The following EML1 variants were observed in gnomAD, a reference collection of about 807,000 sequenced individuals.
EML1 encodes EMAP like 1, also known as echinoderm microtubule-associated protein-like 1.
Under a neutral mutation model 110.4 loss-of-function variants are expected in EML1, and 27 were observed. The ratio of observed to expected loss-of-function variants is 0.24; its 90% CI spans 0.18 to 0.34. The LOEUF (loss-of-function observed/expected upper bound fraction) is 0.34, where lower values mean the gene tolerates loss of function less well. EML1 is among the 10% of genes least tolerant of loss of function. The pLI is 1.00. For synonymous variants in EML1, 344 were observed against 385.8 expected (o/e 0.89, Z 1.27); for missense variants, 741 against 1,030.9 (o/e 0.72, Z 3.85).
intron 1 of EML1, among the ~76,000 whole-genome samples, chr14:99,823,983 C>T (rs1298577353): frequency 1.3e-5 from 2 of 152,044 alleles, no homozygotes; most frequent in African/African-American, 2.4e-5. Context: ...GATGGAGTCT[C>T]GCTCTGTCGC....
At chr14:99,846,941 G>T (rs1413832141) in intron 1 of EML1, among the ~76,000 whole-genome samples, 1 of 152,124 alleles carries the variant, frequency 6.6e-6, no homozygotes, top group Non-Finnish European at 1.5e-5. Flanking sequence ...CTTACATTTT[G>T]TTGACCTTTT....
chr14:99,853,011 A>C (rs2058838255), intron 2 of EML1, among the ~76,000 whole-genome samples: 1 of 152,242 alleles, frequency 6.6e-6, no homozygotes, highest in African/African-American at 2.4e-5. Context: ...GTACATTTGA[A>C]GGAGCTGTTT....
At chr14:99,869,208 A>G (rs974429955) in intron 3 of EML1, among the ~76,000 whole-genome samples, 3 of 152,174 alleles carry the variant, frequency 2.0e-5, no homozygotes, top group Non-Finnish European at 4.4e-5. Context: ...CCCTGTGTTG[A>G]GTAAATCTAT....
chr14:99,787,331 G>A (rs1413480943), intron 1 of EML1, among the ~76,000 whole-genome samples: 3 of 141,644 alleles, frequency 2.1e-5, no homozygotes, highest in Non-Finnish European at 4.5e-5. Context: ...GGATTGCGGT[G>A]GGCACGATCT....
chr14:99,831,845 G>A (rs1053284027), intron 1 of EML1, among the ~76,000 whole-genome samples: 19 of 149,004 alleles, frequency 1.3e-4, no homozygotes, highest in African/African-American at 4.8e-4. Flanking sequence ...ACTGAATGAT[G>A]GGATTTTTTT....
exon 1 of EML1, chr14:99,773,173 T>A (rs1183175368): frequency 1.3e-5 from 2 of 152,290 alleles, no homozygotes; most frequent in African/African-American, 2.4e-5. Context: ...CCCCCGCGCA[T>A]GCCAACTTTT....
intron 1 of EML1, among the ~76,000 whole-genome samples, chr14:99,819,201 C>T (rs774769906): frequency 2.0e-5 from 3 of 152,126 alleles, no homozygotes; most frequent in Non-Finnish European, 2.9e-5. Context: ...GTCATCCTTT[C>T]ACCTTGGCCT....
chr14:99,841,674 G>T (rs569518837), intron 1 of EML1, among the ~76,000 whole-genome samples: 1 of 152,326 alleles, frequency 6.6e-6, no homozygotes, highest in South Asian at 2.1e-4. Flanking sequence ...AGAGGCTGCA[G>T]AGTGGCTTTC....
At chr14:99,756,328 C>T (rs1219416473) in intron 1 of EML1, among the ~76,000 whole-genome samples, 1 of 152,198 alleles carries the variant, frequency 6.6e-6, no homozygotes, top group Non-Finnish European at 1.5e-5. Flanking sequence ...GGTGGCAGCC[C>T]TGGCTCTGCC....
intron 1 of EML1, among the ~76,000 whole-genome samples, chr14:99,833,315 C>G (rs1566888623): frequency 6.6e-6 from 1 of 152,078 alleles, no homozygotes; most frequent in African/African-American, 2.4e-5. Flanking sequence ...AATCAGTTGC[C>G]CATAAAGGTA....
chr14:99,935,621 A>C (rs2060454361), intron 17 of EML1, among the ~76,000 whole-genome samples: 1 of 152,048 alleles, frequency 6.6e-6, no homozygotes, highest in South Asian at 2.1e-4. Context: ...GTCTCTACCG[A>C]AAATACAAAA....
At chr14:99,881,167 A>G (rs966012785) in intron 4 of EML1, among the ~76,000 whole-genome samples, 2 of 152,088 alleles carry the variant, frequency 1.3e-5, no homozygotes, top group Non-Finnish European at 2.9e-5. Flanking sequence ...ATTCTCTTCC[A>G]CTCAGGAAGG....
chr14:99,787,195 T>C (rs147630065), intron 1 of EML1, among the ~76,000 whole-genome samples: 1,751 of 152,030 alleles, frequency 0.012, 17 homozygotes, highest in Non-Finnish European at 0.018. Context: ...CATGAGAAGC[T>C]ATATTTTATA....
At chr14:99,923,010 C>G (rs1290382602) in intron 17 of EML1, among the ~76,000 whole-genome samples, 1 of 152,168 alleles carries the variant, frequency 6.6e-6, no homozygotes, top group African/African-American at 2.4e-5. Context: ...CTGGCATGAT[C>G]ATGGCTCATT....
At chr14:99,796,144 G>A (rs1207230477) in intron 1 of EML1, among the ~76,000 whole-genome samples, 1 of 150,622 alleles carries the variant, frequency 6.6e-6, no homozygotes, top group Non-Finnish European at 1.5e-5. Flanking sequence ...CTATGACTGT[G>A]CCACTGTACT....
chr14:99,882,660 A>G (rs1171075952), intron 4 of EML1, among the ~76,000 whole-genome samples: 11 of 151,688 alleles, frequency 7.3e-5, no homozygotes, highest in Non-Finnish European at 1.5e-4. Context: ...AAAAAAAAAA[A>G]AAAAAAAAAA....
At chr14:99,772,692 G>A (rs770751493), upstream of EML1, among the ~76,000 whole-genome samples, 1 of 152,170 alleles carries the variant, frequency 6.6e-6, no homozygotes, top group Non-Finnish European at 1.5e-5. Flanking sequence ...GGAGCAAAAG[G>A]TTCATGAATC....
intron 2 of EML1, among the ~76,000 whole-genome samples, chr14:99,852,101 GAATTAGA>G (rs1415306776): frequency 6.6e-6 from 1 of 152,166 alleles, no homozygotes; most frequent in African/African-American, 2.4e-5. Flanking sequence ...GAAGATAATG[GAATTAGA>G]CAATTAGACA....
chr14:99,765,395 G>GC (rs2140193395), intron 1 of EML1, among the ~76,000 whole-genome samples: 1 of 152,166 alleles, frequency 6.6e-6, no homozygotes, highest in East Asian at 1.9e-4. Flanking sequence ...ACCACGCCAG[G>GC]CCCCTGGCTA....
Sources: allele counts gnomAD v4.1 joint callset (sites outside exome capture counted in the v4.1 genomes callset), GRCh38; gene constraint gnomAD v4.1.1; transcripts MANE v1.5; gene names NCBI Gene and HGNC (gene_info 2026-07-23, HGNC 2026-07-21).